MOB1B: variants seen among roughly 807,000 people sequenced by gnomAD.
The protein encoded by MOB1B is MOB1 Mps One Binder homolog B.
In MOB1B, 19 loss-of-function variants were observed where a neutral mutation model predicts 24.4. The ratio of observed to expected loss-of-function variants is 0.78; its 90% CI spans 0.54 to 1.14. MOB1B has a LOEUF of 1.14. Ranked by LOEUF, MOB1B falls within the 50% of genes most tolerant of loss-of-function variation. The probability of loss-of-function intolerance (pLI) is 0.00; values close to 1 mark genes in which losing one functional copy is unlikely to be tolerated. For missense variants in MOB1B, 243 were observed against 259.6 expected, an observed-to-expected ratio of 0.94 and a Z score of 0.44; for synonymous variants, 76 against 82.1, an observed-to-expected ratio of 0.93 and a Z score of 0.40.
At chr4:70,906,538 G>A (rs896912559) in intron 1 of MOB1B, among the ~76,000 whole-genome samples, 9 of 152,298 alleles carry the variant, frequency 5.9e-5, no homozygotes, top group African/African-American at 2.2e-4. Flanking sequence ...GGTTGTAAGT[G>A]CCATGGAACA....
At chr4:70,968,438 A>T (rs764139993) in intron 2 of MOB1B, among the ~76,000 whole-genome samples, 4 of 151,968 alleles carry the variant, frequency 2.6e-5, no homozygotes, top group Non-Finnish European at 5.9e-5. Context: ...CAGCCTCCTG[A>T]GTAGCTGGGA....
At chr4:70,923,867 A>G (rs1296799725) in intron 1 of MOB1B, among the ~76,000 whole-genome samples, 1 of 151,032 alleles carries the variant, frequency 6.6e-6, no homozygotes, top group Middle Eastern at 3.2e-3. Context: ...GAATGGCATG[A>G]ACCTGGGAGA....
At chr4:70,956,078 A>G (rs1030512737) in intron 1 of MOB1B, among the ~76,000 whole-genome samples, 1 of 151,856 alleles carries the variant, frequency 6.6e-6, no homozygotes, top group African/African-American at 2.4e-5. Flanking sequence ...CTGGGAGCAA[A>G]TTTGGTGTTT....
intron 4 of MOB1B, among the ~76,000 whole-genome samples, chr4:70,976,955 C>CA (rs540039162): frequency 2.4e-4 from 36 of 152,072 alleles, no homozygotes; most frequent in African/African-American, 8.2e-4. Flanking sequence ...TAGTCGTTAA[C>CA]ATCTTCCTCC....
chr4:70,958,849 CT>C lies in MOB1B; in HGVS notation c.15-16del, dbSNP rs201154218. The C allele has an allele frequency of 4.2e-5, 65 of 1,553,316 alleles. 1 individual carries two copies. The highest frequency in any genetic ancestry group is 1.8e-4 in the African/African-American group (13 of 72,336). ...AATGTCATGCCTTAAATATTAAACC[CT>C]TTTTTTTTCTTTTCTATTCATAGTG... On this transcript the variant is annotated intron_variant, in intron 1 of 5. Coordinates refer to ENST00000309395, the MANE Select transcript of MOB1B (RefSeq NM_173468.4).
intron 5 of MOB1B, among the ~76,000 whole-genome samples, chr4:70,981,522 C>T (rs752739773): frequency 6.6e-6 from 1 of 152,210 alleles, no homozygotes; most frequent in Non-Finnish European, 1.5e-5. Flanking sequence ...CTTTTGATAG[C>T]TTGCAGATAC....
At chr4:70,911,141 C>T (rs563773133) in intron 1 of MOB1B, among the ~76,000 whole-genome samples, 1 of 152,190 alleles carries the variant, frequency 6.6e-6, no homozygotes, top group Admixed American at 6.5e-5. Flanking sequence ...TAAAAATATA[C>T]AAATGGATTT....
intron 1 of MOB1B, among the ~76,000 whole-genome samples, chr4:70,953,075 A>G (rs1037866684): frequency 6.0e-5 from 9 of 150,320 alleles, no homozygotes; most frequent in African/African-American, 2.2e-4. Context: ...AGTAGCTGGG[A>G]TTACAGGCGT....
chr4:70,975,536 A>T, intron 4 of MOB1B: 1 of 1,141,074 alleles, frequency 8.8e-7, no homozygotes. Flanking sequence ...ATTAGCTGAA[A>T]GTATAGGTTT....
chr4:70,921,475 C>G (rs1446057929), intron 1 of MOB1B, among the ~76,000 whole-genome samples: 1 of 145,912 alleles, frequency 6.9e-6, no homozygotes. Context: ...CTTCTCTCTT[C>G]TCTTCTCTCC....
chr4:70,976,905 A>G (rs1171961237), intron 4 of MOB1B, among the ~76,000 whole-genome samples: 3 of 151,868 alleles, frequency 2.0e-5, no homozygotes, highest in Non-Finnish European at 2.9e-5. Context: ...TTATACAAGG[A>G]AATGTAAAAA....
chr4:70,929,178 CTTTCTT>C (rs1736775656), intron 1 of MOB1B, among the ~76,000 whole-genome samples: 5 of 123,150 alleles, frequency 4.1e-5, no homozygotes, highest in African/African-American at 1.4e-4. Flanking sequence ...TCTTTTCTTT[CTTTCTT>C]TTTTTTTTTT....
intron 2 of MOB1B, among the ~76,000 whole-genome samples, chr4:70,964,505 G>A (rs1225158184): frequency 6.6e-6 from 1 of 152,156 alleles, no homozygotes; most frequent in East Asian, 1.9e-4. Flanking sequence ...TATAGCTAAA[G>A]CTGTGTTAGA....
At chr4:70,967,364 C>G (rs1448800084) in intron 2 of MOB1B, among the ~76,000 whole-genome samples, 1 of 152,154 alleles carries the variant, frequency 6.6e-6, no homozygotes, top group African/African-American at 2.4e-5. Flanking sequence ...CAACTTCTGA[C>G]CTCAGATGGT....
intron 1 of MOB1B, among the ~76,000 whole-genome samples, chr4:70,944,365 C>T (rs1737483889): frequency 6.6e-6 from 1 of 152,126 alleles, no homozygotes; most frequent in African/African-American, 2.4e-5. Context: ...ATTTTTTTGA[C>T]TGTATACTTT....
At chr4:70,954,814 G>A (rs1227628902) in intron 1 of MOB1B, among the ~76,000 whole-genome samples, 19 of 150,618 alleles carry the variant, frequency 1.3e-4, no homozygotes, top group East Asian at 1.2e-3. Flanking sequence ...GCAGTGGTGC[G>A]ATCTGGGCAT....
intron 1 of MOB1B, among the ~76,000 whole-genome samples, chr4:70,955,555 C>T (rs948606684): frequency 1.3e-5 from 2 of 150,568 alleles, no homozygotes; most frequent in African/African-American, 2.4e-5. Context: ...ACTGCAACCC[C>T]CGCCTCCTGG....
At chr4:70,912,391 T>G (rs1442597410) in intron 1 of MOB1B, among the ~76,000 whole-genome samples, 2 of 152,014 alleles carry the variant, frequency 1.3e-5, no homozygotes, top group African/African-American at 4.8e-5. Context: ...GTAATTCACC[T>G]GCTTCAGCCT....
intron 1 of MOB1B, among the ~76,000 whole-genome samples, chr4:70,917,761 C>T (rs1324961757): frequency 6.6e-6 from 1 of 152,054 alleles, no homozygotes; most frequent in Non-Finnish European, 1.5e-5. Flanking sequence ...TAATAAAATC[C>T]CTTTATAAAA....
Sources: allele counts gnomAD v4.1 joint callset (sites outside exome capture counted in the v4.1 genomes callset), GRCh38; gene constraint gnomAD v4.1.1; transcripts MANE v1.5; gene names NCBI Gene and HGNC (gene_info 2026-07-23, HGNC 2026-07-21).